HECW2: variants seen among roughly 807,000 people sequenced by gnomAD.
HECW2 encodes E3 ubiquitin-protein ligase HECW2.
A neutral mutation model predicts 175.2 loss-of-function variants in HECW2; 61 were observed. The observed-to-expected ratio is 0.35, with a 90% CI of 0.28 to 0.43. The LOEUF (loss-of-function observed/expected upper bound fraction) is 0.43. Among genes scored for constraint, HECW2 ranks in the 20% least tolerant of loss-of-function variants. The probability of loss-of-function intolerance (pLI) is 1.00; values close to 1 mark genes in which losing one functional copy is unlikely to be tolerated. For synonymous variants in HECW2, 671 were observed against 731.0 expected, an observed-to-expected ratio of 0.92 and a Z score of 1.32; for missense variants, 1,524 against 2,000.5, an observed-to-expected ratio of 0.76 and a Z score of 4.54.
At chr2:196,257,177 A>G (rs1689088846) in intron 18 of HECW2, among the ~76,000 whole-genome samples, 1 of 152,126 alleles carries the variant, frequency 6.6e-6, no homozygotes, top group South Asian at 2.1e-4. Context: ...CCTACATTTG[A>G]GGGATAATAA....
At chr2:196,520,811 T>A (rs964911594) in intron 1 of HECW2, among the ~76,000 whole-genome samples, 2 of 152,130 alleles carry the variant, frequency 1.3e-5, no homozygotes, top group African/African-American at 4.8e-5. Flanking sequence ...TCAGAGGGGA[T>A]TCAATTTAGT....
chr2:196,281,630 T>A (rs115525809), intron 14 of HECW2, among the ~76,000 whole-genome samples: 5,810 of 97,212 alleles, frequency 0.06, 196 homozygotes, highest in Middle Eastern at 0.15. Context: ...GGTGACAGAG[T>A]GAGACCCCGT....
rs373329072 is a variant in HECW2, at chr2:196,317,266, G to A, written c.2434+8C>T. On this transcript the variant is annotated splice_region_variant and intron_variant, in intron 10 of 28. Transcript: ENST00000644978. The stretch of plus-strand genomic sequence containing the variant: ...TAAGGTGGGCCCTTTTAACTAACAG[G>A]TCCTCACTTGGTGGGAGAGCCTCGT... 1 of 1,604,614 alleles carries A rather than the reference G, an allele frequency of 6.2e-7. No homozygotes were observed. The highest frequency in any genetic ancestry group is 8.5e-7 in the Non-Finnish European group (1 of 1,173,366).
At chr2:196,426,460 C>T (rs1228734889) in intron 2 of HECW2, among the ~76,000 whole-genome samples, 1 of 151,806 alleles carries the variant, frequency 6.6e-6, no homozygotes, top group African/African-American at 2.4e-5. Context: ...GGGGTGATAT[C>T]TCATTGTGGT....
intron 23 of HECW2, among the ~76,000 whole-genome samples, chr2:196,224,649 A>C (rs1687785724): frequency 6.6e-6 from 1 of 152,216 alleles, no homozygotes; most frequent in South Asian, 2.1e-4. Flanking sequence ...TGATCCAATA[A>C]GATACGGACT....
intron 19 of HECW2, among the ~76,000 whole-genome samples, chr2:196,249,985 G>A (rs918286008): frequency 1.3e-5 from 2 of 152,202 alleles, no homozygotes; most frequent in African/African-American, 2.4e-5. Flanking sequence ...GTGCATTTGC[G>A]ATGCTAAATG....
intron 2 of HECW2, among the ~76,000 whole-genome samples, chr2:196,376,851 G>A (rs1218109439): frequency 2.0e-5 from 3 of 150,100 alleles, no homozygotes; most frequent in Admixed American, 1.3e-4. Flanking sequence ...GGAGAATCTC[G>A]AACCCGGGAG....
chr2:196,331,339 C>G (rs907595154), intron 4 of HECW2: 1 of 949,364 alleles, frequency 1.1e-6, no homozygotes, highest in Admixed American at 6.2e-5. Context: ...AGAGAACTAA[C>G]TGCTGTGGCT....
intron 1 of HECW2, among the ~76,000 whole-genome samples, chr2:196,505,195 TA>T (rs1423513829): frequency 6.6e-6 from 1 of 152,120 alleles, no homozygotes; most frequent in African/African-American, 2.4e-5. Context: ...TAAAGTAATT[TA>T]AAAAACCAAG....
At chr2:196,313,987 G>C (rs1455822) in intron 10 of HECW2, among the ~76,000 whole-genome samples, 4 of 152,206 alleles carry the variant, frequency 2.6e-5, no homozygotes, top group East Asian at 1.9e-4. Context: ...CTTGAGCCCA[G>C]GAGTTTGAGG....
At chr2:196,318,481 G>C in intron 9 of HECW2, 71 bp downstream of exon 9, 1 of 1,376,030 alleles carries the variant, frequency 7.3e-7, no homozygotes, top group East Asian at 2.7e-5. Flanking sequence ...TTACATTGAG[G>C]GGAAAACTAC....
At chr2:196,228,944 T>C (rs897810723) in intron 21 of HECW2, among the ~76,000 whole-genome samples, 1 of 152,194 alleles carries the variant, frequency 6.6e-6, no homozygotes, top group East Asian at 1.9e-4. Context: ...GTATAAATTC[T>C]ACTTTACTTA....
chr2:196,470,492 G>A lies in HECW2; in HGVS notation c.-35-37034C>T, dbSNP rs892727629. 6.6e-5 allele frequency among the ~76,000 whole-genome samples: 10 copies of A among 151,956 alleles called. No individual in the cohort carries two copies. The East Asian group carries it at 1.2e-3, about 18-fold the overall frequency. ...AACTTTATTTTTTCTGTTTATCTTCGTCTCTTGCTTTCATATTGAAGTTGT... is the reference window on the plus strand; with the variant it reads ...AACTTTATTTTTTCTGTTTATCTTCATCTCTTGCTTTCATATTGAAGTTGT... On this transcript the variant is annotated intron_variant, in intron 1 of 28. Transcript: ENST00000644978.
At chr2:196,421,080 T>A (rs901427107) in intron 2 of HECW2, among the ~76,000 whole-genome samples, 4 of 152,090 alleles carry the variant, frequency 2.6e-5, no homozygotes, top group African/African-American at 9.7e-5. Context: ...AATGTTTAAA[T>A]TCCAAGCAAA....
intron 14 of HECW2, among the ~76,000 whole-genome samples, chr2:196,279,337 C>G (rs974035097): frequency 1.3e-5 from 2 of 152,168 alleles, no homozygotes; most frequent in Non-Finnish European, 2.9e-5. Context: ...CGTGAGCCAC[C>G]GCGCCTGGCC....
chr2:196,472,531 C>A (rs1037416672), intron 1 of HECW2, among the ~76,000 whole-genome samples: 1 of 150,216 alleles, frequency 6.7e-6, no homozygotes, highest in Non-Finnish European at 1.5e-5. Flanking sequence ...CTGTTTAGGA[C>A]CCAAACATAG....
intron 1 of HECW2, among the ~76,000 whole-genome samples, chr2:196,444,193 T>G (rs1156544087): frequency 1.3e-5 from 2 of 152,234 alleles, no homozygotes; most frequent in African/African-American, 4.8e-5. Flanking sequence ...TCTCAAAACA[T>G]TACCTGTAGT....
chr2:196,364,678 T>C (rs1348916142), intron 2 of HECW2, among the ~76,000 whole-genome samples: 2 of 152,130 alleles, frequency 1.3e-5, no homozygotes. Context: ...CACTAGGAGG[T>C]AGCTGAGAAC....
At chr2:196,267,351 T>A (rs986255772) in intron 17 of HECW2, among the ~76,000 whole-genome samples, 1 of 152,226 alleles carries the variant, frequency 6.6e-6, no homozygotes, top group African/African-American at 2.4e-5. Context: ...TGTATTCGTA[T>A]AAAATGTTAG....
Sources: gnomAD v4.1 joint callset for allele counts (sites outside exome capture counted in the v4.1 genomes callset) on GRCh38, gnomAD v4.1.1 for gene constraint, MANE v1.5 for transcripts, NCBI Gene and HGNC (gene_info 2026-07-23, HGNC 2026-07-21) for gene names.